CTNNA1: variants seen among roughly 807,000 people sequenced by gnomAD.
The protein encoded by CTNNA1 is catenin alpha 1, also known as catenin alpha-1.
CTNNA1 carries 37 observed loss-of-function variants against 98.4 expected under a neutral mutation model. The observed-to-expected ratio is 0.38, with a 90% CI of 0.29 to 0.49. The LOEUF (loss-of-function observed/expected upper bound fraction) is 0.49. Among genes scored for constraint, CTNNA1 ranks in the 20% least tolerant of loss-of-function variants. The pLI, the probability that CTNNA1 is intolerant of heterozygous loss-of-function variation, is 0.95. For synonymous variants in CTNNA1, 404 were observed against 413.2 expected (o/e 0.98, Z 0.27); for missense variants, 761 against 1,147.2 (o/e 0.66, Z 4.86).
At chr5:138,872,841 T>G (rs1025440545) in intron 7 of CTNNA1, 1 of 512,556 alleles carries the variant, frequency 2.0e-6, no homozygotes, top group African/African-American at 1.9e-5. Flanking sequence ...ACTTAAAATA[T>G]GGTTTCATTT....
intron 3 of CTNNA1, among the ~76,000 whole-genome samples, chr5:138,795,086 C>T (rs970882972): frequency 6.9e-6 from 1 of 144,026 alleles, no homozygotes; most frequent in African/African-American, 2.6e-5. Flanking sequence ...GGAGGTGAAG[C>T]TTGCAATAAG....
chr5:138,813,503 G>A (rs556169697), intron 5 of CTNNA1, among the ~76,000 whole-genome samples: 25 of 152,324 alleles, frequency 1.6e-4, no homozygotes, highest in Admixed American at 1.3e-3. Flanking sequence ...CCGACAAAAG[G>A]TCTGACAGGT....
chr5:138,818,240 C>T (rs1303014507), intron 5 of CTNNA1, among the ~76,000 whole-genome samples: 1 of 149,282 alleles, frequency 6.7e-6, no homozygotes, highest in Non-Finnish European at 1.5e-5. Flanking sequence ...TCCCAAATTG[C>T]TGGGGCTACA....
intron 10 of CTNNA1, among the ~76,000 whole-genome samples, chr5:138,909,167 A>G (rs145104671): frequency 6.6e-5 from 10 of 152,168 alleles, no homozygotes; most frequent in African/African-American, 1.4e-4. Context: ...ATCTCACTCA[A>G]TATTTTTTCT....
intron 1 of CTNNA1, among the ~76,000 whole-genome samples, chr5:138,766,713 G>A (rs1580883404): frequency 6.6e-6 from 1 of 152,228 alleles, no homozygotes; most frequent in South Asian, 2.1e-4. Flanking sequence ...GGGGAATGCA[G>A]TGGAGTATAG....
At position 138,921,596 on chromosome 5, in the gene CTNNA1, A is replaced by ATTTTTTT. The variant is rs386405098; in HGVS notation, c.1547-2897_1547-2891dup. ...AAGTGGTGAAGTTAGATTAGTGGTG[A>ATTTTTTT]TTTTTTTTTTTTTTTTTTTTTTTGA... On this transcript the variant is annotated intron_variant, in intron 11 of 17. Transcript: ENST00000302763. 7.6e-4 allele frequency among the ~76,000 whole-genome samples: 79 copies of ATTTTTTT among 104,032 alleles called. 5 individuals are homozygous for ATTTTTTT. The highest frequency in any genetic ancestry group is 2.4e-3 in the African/African-American group (59 of 24,472). 68.2% of individuals were successfully genotyped at this position (104,032 alleles called of 152,430 possible).
intron 11 of CTNNA1, among the ~76,000 whole-genome samples, chr5:138,919,481 T>A (rs956072180): frequency 2.6e-5 from 4 of 152,226 alleles, no homozygotes; most frequent in African/African-American, 7.2e-5. Context: ...GAAAAGGGAT[T>A]CTGCAGCAGC....
chr5:138,811,083 T>G (rs1479187586), intron 4 of CTNNA1, among the ~76,000 whole-genome samples: 12 of 136,784 alleles, frequency 8.8e-5, no homozygotes, highest in South Asian at 2.4e-4. Flanking sequence ...TCCCAGACGG[T>G]GTGGTTGCCG....
intron 3 of CTNNA1, among the ~76,000 whole-genome samples, chr5:138,801,314 G>C (rs1376259448): frequency 6.6e-6 from 1 of 152,144 alleles, no homozygotes; most frequent in Admixed American, 6.5e-5. Flanking sequence ...TCTGTGATAG[G>C]TTTGTGTATA....
intron 9 of CTNNA1, among the ~76,000 whole-genome samples, chr5:138,898,769 T>C (rs1757429536): frequency 6.6e-6 from 1 of 152,240 alleles, no homozygotes; most frequent in Non-Finnish European, 1.5e-5. Context: ...TTTCCCATCA[T>C]TCTCTCTGTT....
intron 7 of CTNNA1, chr5:138,827,968 CAATT>C (rs1760887091): frequency 4.1e-6 from 2 of 493,444 alleles, no homozygotes; most frequent in Non-Finnish European, 3.7e-6. Flanking sequence ...CTGTATTCAT[CAATT>C]AACATGTAGA....
chr5:138,811,911 AAG>A (rs1166525117), intron 4 of CTNNA1: 11 of 303,956 alleles, frequency 3.6e-5, no homozygotes, highest in Non-Finnish European at 5.0e-5. Context: ...AGACCGTGGA[AAG>A]AGAGGGAGAG....
At chr5:138,905,978 A>G (rs1023023362) in intron 10 of CTNNA1, among the ~76,000 whole-genome samples, 2 of 152,234 alleles carry the variant, frequency 1.3e-5, no homozygotes, top group African/African-American at 4.8e-5. Flanking sequence ...TTGCTATGTT[A>G]TGTCTGCAAC....
At chr5:138,929,891 G>A (rs1764934867) in intron 14 of CTNNA1, among the ~76,000 whole-genome samples, 1 of 152,136 alleles carries the variant, frequency 6.6e-6, no homozygotes, top group East Asian at 1.9e-4. Flanking sequence ...TGAACAGCGA[G>A]CACATCCCTG....
intron 3 of CTNNA1, among the ~76,000 whole-genome samples, chr5:138,784,842 C>A (rs1305927940): frequency 6.6e-6 from 1 of 152,100 alleles, no homozygotes; most frequent in African/African-American, 2.4e-5. Flanking sequence ...TTATCATATA[C>A]TTTTCTTTTT....
rs1445540051 is a variant in CTNNA1, at chr5:138,873,836, C to T, written c.1063-12376C>T. 2 of 1,614,014 alleles carry T rather than the reference C, an allele frequency of 1.2e-6. No homozygotes were observed. Among genetic ancestry groups the T allele is most frequent in the Non-Finnish European group, 1.7e-6 (2 of 1,179,894 alleles). On this transcript the variant is annotated intron_variant, in intron 7 of 17. Coordinates refer to ENST00000302763, the MANE Select transcript of CTNNA1 (RefSeq NM_001903.5). The surrounding 1 kb of genome is among the most constrained non-coding windows in gnomAD (Gnocchi z 6.1). Reference sequence around the variant, plus strand: ...CCACTCCATCCCACATGTCAAGTTGCTGATTTTGTTCCATTGTAAGAAGAG... The same window carrying T: ...CCACTCCATCCCACATGTCAAGTTGTTGATTTTGTTCCATTGTAAGAAGAG...
intron 1 of CTNNA1, among the ~76,000 whole-genome samples, chr5:138,757,563 G>A (rs1751808235): frequency 6.6e-6 from 1 of 152,150 alleles, no homozygotes; most frequent in South Asian, 2.1e-4. Flanking sequence ...CTTTCATGAT[G>A]AGCTTTTAGT....
intron 3 of CTNNA1, among the ~76,000 whole-genome samples, chr5:138,788,710 G>A (rs1315550162): frequency 6.6e-6 from 1 of 152,176 alleles, no homozygotes; most frequent in Non-Finnish European, 1.5e-5. Flanking sequence ...CCGGATAGGG[G>A]ACTTTCAGGG....
intron 7 of CTNNA1, chr5:138,875,619 A>G: frequency 1.0e-6 from 1 of 985,446 alleles, no homozygotes; most frequent in Middle Eastern, 5.2e-4. Flanking sequence ...TAGCAGAGTG[A>G]TGATTTTTAA....
Sources: allele counts gnomAD v4.1 joint callset (sites outside exome capture counted in the v4.1 genomes callset), GRCh38; gene constraint gnomAD v4.1.1; non-coding constraint Gnocchi (gnomAD v3.1); transcripts MANE v1.5; gene names NCBI Gene and HGNC (gene_info 2026-07-23, HGNC 2026-07-21).